The following EPHA6 variants were observed in gnomAD, a reference collection of about 807,000 sequenced individuals.
EPHA6 encodes the protein EPH receptor A6.
EPHA6 carries 50 observed loss-of-function variants against 112.0 expected under a neutral mutation model. The ratio of observed to expected loss-of-function variants is 0.45; its 90% CI spans 0.36 to 0.56. EPHA6 has a LOEUF of 0.56. EPHA6 is among the 20% of genes least tolerant of loss of function. The probability of loss-of-function intolerance (pLI) is 0.00; values close to 1 mark genes in which losing one functional copy is unlikely to be tolerated. For missense variants in EPHA6, 1,280 were observed against 1,417.4 expected (o/e 0.90, Z 1.56); for synonymous variants, 529 against 490.7 (o/e 1.08, Z -1.03).
At chr3:97,306,956 T>G (rs1162561938) in intron 5 of EPHA6, among the ~76,000 whole-genome samples, 1 of 151,740 alleles carries the variant, frequency 6.6e-6, no homozygotes, top group Admixed American at 6.6e-5. Flanking sequence ...TGCTGTTACC[T>G]TATGTATTGA....
chr3:97,288,106 G>A (rs2080539411), intron 5 of EPHA6, among the ~76,000 whole-genome samples: 1 of 151,944 alleles, frequency 6.6e-6, no homozygotes, highest in South Asian at 2.1e-4. Context: ...AATTTTCAAT[G>A]CAAGAGTACA....
intron 6 of EPHA6, among the ~76,000 whole-genome samples, chr3:97,436,527 T>A (rs191963525): frequency 6.6e-6 from 1 of 152,338 alleles, no homozygotes; most frequent in African/African-American, 2.4e-5. Context: ...CTTATATATT[T>A]AAATGAATTT....
At chr3:97,103,432 G>C (rs28797017) in intron 3 of EPHA6, among the ~76,000 whole-genome samples, 9,685 of 152,074 alleles carry the variant, frequency 0.064, 361 homozygotes, top group Middle Eastern at 0.14. Context: ...TGTCACCTTT[G>C]TCAAAGATCA....
chr3:96,887,577 C>CAACCAGCTGT (rs1484593795), intron 2 of EPHA6, among the ~76,000 whole-genome samples: 3 of 152,036 alleles, frequency 2.0e-5, no homozygotes, highest in African/African-American at 7.3e-5. Flanking sequence ...GGCCTCCTGC[C>CAACCAGCTGT]GGGAGGTTAT....
chr3:97,756,749 T>C lies in EPHA6; in HGVS notation c.*8048T>C, dbSNP rs1357906960. Among the ~76,000 whole-genome samples, 1 of 151,804 alleles carries C rather than the reference T, an allele frequency of 6.6e-6. No homozygotes were observed. Among genetic ancestry groups the C allele is most frequent in the Non-Finnish European group, 1.5e-5 (1 of 67,774 alleles). On this transcript the variant is annotated 3_prime_UTR_variant, in exon 18 of 18. Coordinates refer to ENST00000389672, the MANE Select transcript of EPHA6 (RefSeq NM_001080448.3). ...ATTTTGGGGAGCGAGCAGGACACAA[T>C]ATCTGAGCAGTGTTAACAAATATGA... is the stretch of plus-strand genomic sequence containing the variant.
At chr3:97,477,500 GGAGA>G (rs1439293213) in intron 8 of EPHA6, among the ~76,000 whole-genome samples, 1 of 150,788 alleles carries the variant, frequency 6.6e-6, no homozygotes, top group Non-Finnish European at 1.5e-5. Flanking sequence ...AGGAAAGGAA[GGAGA>G]GAAAGAGAGA....
chr3:97,354,036 C>T (rs760221708), intron 5 of EPHA6, among the ~76,000 whole-genome samples: 3 of 152,186 alleles, frequency 2.0e-5, no homozygotes, highest in Non-Finnish European at 4.4e-5. Flanking sequence ...CAACACAATG[C>T]CTCTATGAAC....
chr3:97,406,152 T>A (rs1409542592), intron 6 of EPHA6, among the ~76,000 whole-genome samples: 1 of 152,176 alleles, frequency 6.6e-6, no homozygotes, highest in Non-Finnish European at 1.5e-5. Flanking sequence ...AAGGAAATCA[T>A]AAAGGAATTT....
At position 97,331,426 on chromosome 3, in the gene EPHA6, C is replaced by CA. The variant is rs560099139; in HGVS notation, c.1607-73718dup. Among the ~76,000 whole-genome samples, 337 of 152,048 alleles carry CA rather than the reference C, an allele frequency of 2.2e-3. 2 individuals are homozygous for CA. Among genetic ancestry groups the CA allele is most frequent in the African/African-American group, 7.5e-3 (312 of 41,470 alleles). ...AGCAGAAGTGAAGGAAATAGAGACA[C>CA]AAAAAACCCTTCAAAAAATCAATGA... On this transcript the variant is annotated intron_variant, in intron 5 of 17. Transcript: ENST00000389672.
chr3:97,527,125 C>A (rs750433884), intron 10 of EPHA6, among the ~76,000 whole-genome samples: 4 of 152,112 alleles, frequency 2.6e-5, no homozygotes, highest in South Asian at 2.1e-4. Context: ...TGGCAAGAAG[C>A]AGATGGGTCT....
chr3:97,100,038 G>A (rs1370724793), intron 3 of EPHA6, among the ~76,000 whole-genome samples: 1 of 151,894 alleles, frequency 6.6e-6, no homozygotes, highest in Admixed American at 6.6e-5. Flanking sequence ...CAAGTTAAAA[G>A]TCACTATACA....
chr3:96,885,357 G>C (rs576404929), intron 2 of EPHA6, among the ~76,000 whole-genome samples: 2 of 152,134 alleles, frequency 1.3e-5, no homozygotes, highest in South Asian at 4.2e-4. Context: ...CTCTTGTCCT[G>C]AACTTTTTTT....
chr3:97,212,446 T>C (rs904798412), intron 3 of EPHA6, among the ~76,000 whole-genome samples: 2 of 152,174 alleles, frequency 1.3e-5, no homozygotes, highest in Admixed American at 6.5e-5. Flanking sequence ...ATATTCAAAA[T>C]GGTAATAAAA....
chr3:97,221,376 A>G (rs1409794994), intron 3 of EPHA6, among the ~76,000 whole-genome samples: 4 of 151,396 alleles, frequency 2.6e-5, no homozygotes, highest in Non-Finnish European at 1.5e-5. Flanking sequence ...AGATTTTTCT[A>G]AAGGAAAAAA....
intron 5 of EPHA6, among the ~76,000 whole-genome samples, chr3:97,299,712 G>A (rs575538328): frequency 4.1e-4 from 63 of 152,228 alleles, no homozygotes; most frequent in African/African-American, 1.4e-3. Flanking sequence ...ATTTAATTTT[G>A]TTAGTTAAAA....
At chr3:97,658,631 A>G (rs1337047949) in intron 14 of EPHA6, among the ~76,000 whole-genome samples, 1 of 151,938 alleles carries the variant, frequency 6.6e-6, no homozygotes. Context: ...CTTACGGGAA[A>G]TAGAAGAAAC....
At chr3:97,733,819 T>C (rs2035140971) in intron 15 of EPHA6, among the ~76,000 whole-genome samples, 2 of 152,042 alleles carry the variant, frequency 1.3e-5, no homozygotes, top group South Asian at 4.1e-4. Context: ...GTAAAAACAT[T>C]GAAGTCCAAA....
At chr3:97,435,634 A>G (rs925010259) in intron 6 of EPHA6, among the ~76,000 whole-genome samples, 4 of 152,198 alleles carry the variant, frequency 2.6e-5, no homozygotes, top group African/African-American at 9.6e-5. Flanking sequence ...CCCTAAATAC[A>G]TAGTCCATAA....
chr3:97,348,894 TG>T (rs1246598045), intron 5 of EPHA6, among the ~76,000 whole-genome samples: 1 of 152,032 alleles, frequency 6.6e-6, no homozygotes, highest in East Asian at 1.9e-4. Context: ...CGGTTCTTCT[TG>T]GGTTTAGTTA....
Sources: allele counts gnomAD v4.1 joint callset (sites outside exome capture counted in the v4.1 genomes callset), GRCh38; gene constraint gnomAD v4.1.1; transcripts MANE v1.5; gene names NCBI Gene and HGNC (gene_info 2026-07-23, HGNC 2026-07-21).